SH3RF1: variants seen among roughly 807,000 people sequenced by gnomAD.
The protein encoded by SH3RF1 is E3 ubiquitin-protein ligase SH3RF1.
In SH3RF1, 32 loss-of-function variants were observed where a neutral mutation model predicts 74.0. That is an observed-to-expected ratio of 0.43 (90% confidence interval 0.33 to 0.58). SH3RF1 has a LOEUF of 0.58. Ranked by LOEUF, SH3RF1 falls within the 20% of genes least tolerant of loss-of-function variation. SH3RF1 has a pLI of 0.05. For missense variants in SH3RF1, 954 were observed against 1,130.9 expected (o/e 0.84, Z 2.24); for synonymous variants, 396 against 439.6 (o/e 0.90, Z 1.24).
chr4:169,263,034 T>C (rs774102778), intron 2 of SH3RF1, among the ~76,000 whole-genome samples: 9 of 152,226 alleles, frequency 5.9e-5, no homozygotes, highest in Non-Finnish European at 1.3e-4. Flanking sequence ...AATTCAATCA[T>C]TCTGAAACAC....
intron 2 of SH3RF1, among the ~76,000 whole-genome samples, chr4:169,235,484 A>C (rs1730811698): frequency 6.6e-6 from 1 of 152,192 alleles, no homozygotes; most frequent in Non-Finnish European, 1.5e-5. Context: ...ATATGAGCCA[A>C]CTGAAGCACA....
At chr4:169,248,863 T>C (rs1229147719) in intron 2 of SH3RF1, among the ~76,000 whole-genome samples, 11 of 152,294 alleles carry the variant, frequency 7.2e-5, no homozygotes, top group African/African-American at 2.2e-4. Context: ...ATTCCTGTGC[T>C]ATGGTTTGAA....
chr4:169,171,376 A>G (rs1734325181), intron 2 of SH3RF1, among the ~76,000 whole-genome samples: 1 of 152,216 alleles, frequency 6.6e-6, no homozygotes, highest in Non-Finnish European at 1.5e-5. Context: ...AACACACCCA[A>G]GATCTCAGAA....
intron 2 of SH3RF1, among the ~76,000 whole-genome samples, chr4:169,259,008 G>T (rs1358168312): frequency 1.3e-5 from 2 of 151,790 alleles, no homozygotes; most frequent in African/African-American, 4.8e-5. Context: ...TATTATTTTG[G>T]GGTACTTCAC....
rs373720452 is a variant in SH3RF1, at chr4:169,126,874, G to C, written c.1179+3172C>G. On this transcript the variant is annotated intron_variant, in intron 6 of 11. Coordinates refer to ENST00000284637, the MANE Select transcript of SH3RF1 (RefSeq NM_020870.4). ...CCAAAGTGCTGGGATTATAGGCATG[G>C]GCCATCACACCCAGACTAAAATTTT... 5.3e-5 allele frequency among the ~76,000 whole-genome samples: 8 copies of C among 152,216 alleles called. No homozygotes were observed. In the East Asian group the frequency reaches 1.4e-3, roughly 26 times the overall value.
chr4:169,185,655 G>C (rs1734588088), intron 2 of SH3RF1, among the ~76,000 whole-genome samples: 1 of 152,058 alleles, frequency 6.6e-6, no homozygotes, highest in African/African-American at 2.4e-5. Flanking sequence ...GCTGACTACA[G>C]TCACAGCCAC....
chr4:169,136,992 G>A (rs917934656), intron 4 of SH3RF1, among the ~76,000 whole-genome samples: 13 of 152,086 alleles, frequency 8.5e-5, no homozygotes, highest in African/African-American at 1.9e-4. Context: ...CACCCTTTTC[G>A]TGACACCCTG....
At chr4:169,269,688 G>A (rs1731412994) in intron 1 of SH3RF1, 1 of 153,018 alleles carries the variant, frequency 6.5e-6, no homozygotes, top group Admixed American at 6.5e-5. Context: ...GCCATTGAAA[G>A]TTTCCTCTAC....
rs1732894613 is a variant in SH3RF1, at chr4:169,095,182, G to GAGT, written c.*1334_*1336dup. On this transcript the variant is annotated 3_prime_UTR_variant, in exon 12 of 12. Coordinates refer to ENST00000284637, the MANE Select transcript of SH3RF1 (RefSeq NM_020870.4). ...GCCTTCCAGAGCTCCACAGTCACAG[G>GAGT]AGTAGTCTCCTGGTTAACTCATCCT... 6.6e-6 allele frequency: 1 copy of GAGT among 152,650 alleles called. No homozygotes were observed. Among genetic ancestry groups the GAGT allele is most frequent in the Non-Finnish European group, 1.5e-5 (1 of 68,052 alleles). 9.5% of individuals were successfully genotyped at this position (152,650 alleles called of 1,614,324 possible).
chr4:169,098,136 C>T (rs762538840), intron 11 of SH3RF1, among the ~76,000 whole-genome samples: 2 of 152,216 alleles, frequency 1.3e-5, no homozygotes, highest in Non-Finnish European at 2.9e-5. Flanking sequence ...TGAAATAATA[C>T]ATGCTTATTA....
At chr4:169,134,353 C>T (rs1252731745) in intron 5 of SH3RF1, among the ~76,000 whole-genome samples, 1 of 152,220 alleles carries the variant, frequency 6.6e-6, no homozygotes, top group African/African-American at 2.4e-5. Context: ...GTCAGGCATG[C>T]TCACACCTGA....
In SH3RF1 at chr4:169,136,507, G is replaced by A. The variant is rs1476856938; in HGVS notation, c.879C>T (p.Ser293=). Residue 293 remains serine, a synonymous_variant, in exon 5 of 12, where the codon TCC becomes TCT. Transcript: ENST00000284637. ...AAQSSTAPKH[S]DTKKNTKKRH... is the part of the protein sequence containing the mutation. ...GCTTTTTGGTGTTCTTCTTGGTGTC[G>A]GAGTGCTTTGGGGCAGTGCTGCTCT... The A allele has an allele frequency of 4.3e-6, 7 of 1,613,848 alleles. No individual in the cohort carries two copies. Among genetic ancestry groups the A allele is most frequent in the African/African-American group, 4.0e-5 (3 of 74,964 alleles).
intron 2 of SH3RF1, among the ~76,000 whole-genome samples, chr4:169,171,899 G>A (rs1441562490): frequency 6.6e-6 from 1 of 152,182 alleles, no homozygotes; most frequent in Non-Finnish European, 1.5e-5. Context: ...TCTGGTGAAA[G>A]GTTATATCTG....
At chr4:169,242,049 A>G (rs543972553) in intron 2 of SH3RF1, among the ~76,000 whole-genome samples, 1 of 152,344 alleles carries the variant, frequency 6.6e-6, no homozygotes, top group African/African-American at 2.4e-5. Flanking sequence ...GTCAAAGAAT[A>G]CTATAAATAG....
At chr4:169,106,811 T>C in intron 11 of SH3RF1, 36 bp downstream of exon 11, 1 of 1,473,560 alleles carries the variant, frequency 6.8e-7, no homozygotes, top group Non-Finnish European at 9.1e-7. Context: ...CTATTGTTCA[T>C]TTTTTAGTTT....
intron 11 of SH3RF1, 108 bp from the exon 12 acceptor site, chr4:169,096,795 T>C: frequency 9.5e-7 from 1 of 1,052,014 alleles, no homozygotes; most frequent in Non-Finnish European, 1.4e-6. Flanking sequence ...ATAACATTAA[T>C]TCATTTATGA....
chr4:169,102,939 T>TTTTTTA (rs1192749645), intron 11 of SH3RF1, among the ~76,000 whole-genome samples: 1 of 139,480 alleles, frequency 7.2e-6, no homozygotes. Context: ...TTTTTTTTTT[T>TTTTTTA]GAGATGGAGT....
intron 2 of SH3RF1, among the ~76,000 whole-genome samples, chr4:169,231,364 G>A (rs566410446): frequency 1.7e-4 from 26 of 152,160 alleles, no homozygotes; most frequent in African/African-American, 5.1e-4. Flanking sequence ...TCAGGAGTTC[G>A]AGACCAGCCT....
At position 169,263,342 on chromosome 4, in the gene SH3RF1, C is replaced by T. The variant is rs79413894; in HGVS notation, c.393+5478G>A. ...TGATGCTTCACTATCTGCTGCCTTA[C>T]TTGTTGTTTCTTGTGTGTTACCTCC... is the stretch of plus-strand genomic sequence containing the variant. On this transcript the variant is annotated intron_variant, in intron 2 of 11. Coordinates refer to ENST00000284637, the MANE Select transcript of SH3RF1 (RefSeq NM_020870.4). 5.3e-5 allele frequency among the ~76,000 whole-genome samples: 8 copies of T among 152,236 alleles called. No individual in the cohort carries two copies. In the East Asian group the frequency reaches 1.5e-3, roughly 29 times the overall value.
Sources: gnomAD v4.1 joint callset for allele counts (sites outside exome capture counted in the v4.1 genomes callset) on GRCh38, gnomAD v4.1.1 for gene constraint, MANE v1.5 for transcripts, NCBI Gene and HGNC (gene_info 2026-07-23, HGNC 2026-07-21) for gene names.